CPNE4: variants seen among roughly 807,000 people sequenced by gnomAD.
CPNE4 encodes the protein copine-4.
In CPNE4, 25 loss-of-function variants were observed where a neutral mutation model predicts 67.9. The observed-to-expected ratio is 0.37, with a 90% CI of 0.27 to 0.51. The LOEUF is 0.51. Ranked by LOEUF, CPNE4 falls within the 20% of genes least tolerant of loss-of-function variation. The pLI is 0.93. For synonymous variants in CPNE4, 242 were observed against 244.9 expected (o/e 0.99, Z 0.11); for missense variants, 464 against 690.8 (o/e 0.67, Z 3.68).
At chr3:132,004,175 CAA>C (rs71622082) in intron 1 of CPNE4, among the ~76,000 whole-genome samples, 1 of 149,798 alleles carries the variant, frequency 6.7e-6, no homozygotes, top group Admixed American at 6.6e-5. Context: ...GTGAAAATTA[CAA>C]AAAAAAATAG....
intron 6 of CPNE4, among the ~76,000 whole-genome samples, chr3:131,685,194 C>T (rs1482595199): frequency 1.3e-5 from 2 of 151,962 alleles, no homozygotes. Flanking sequence ...TCATCATCAT[C>T]ATCATGTGTG....
At chr3:131,801,864 A>AAAAGAACT (rs2084142625) in intron 2 of CPNE4, among the ~76,000 whole-genome samples, 1 of 133,966 alleles carries the variant, frequency 7.5e-6, no homozygotes, top group Non-Finnish European at 1.6e-5. Context: ...CTAGGATTTG[A>AAAAGAACT]AAAGAACTAA....
intron 7 of CPNE4, among the ~76,000 whole-genome samples, chr3:131,661,828 G>T (rs77548358): frequency 0.018 from 2,688 of 152,186 alleles, 48 homozygotes; most frequent in African/African-American, 0.047. Flanking sequence ...GCCTAGAAAT[G>T]CCAGGTTCTT....
chr3:131,990,099 C>T (rs1277300241), intron 1 of CPNE4, among the ~76,000 whole-genome samples: 1 of 136,620 alleles, frequency 7.3e-6, no homozygotes, highest in African/African-American at 2.5e-5. Flanking sequence ...CTTTGTAAAA[C>T]AGAAGAGACA....
chr3:131,537,667 C>A, intron 15 of CPNE4: 1 of 257,110 alleles, frequency 3.9e-6, no homozygotes, highest in South Asian at 4.1e-5. Flanking sequence ...GGGACTTCAG[C>A]CAACATGCTC....
At chr3:131,891,065 A>C (rs547773622) in intron 2 of CPNE4, among the ~76,000 whole-genome samples, 1 of 152,238 alleles carries the variant, frequency 6.6e-6, no homozygotes, top group East Asian at 1.9e-4. Flanking sequence ...ATATTTATTA[A>C]GAGGACAGAT....
chr3:131,735,419 G>A (rs2082212709), intron 2 of CPNE4, among the ~76,000 whole-genome samples: 1 of 152,204 alleles, frequency 6.6e-6, no homozygotes, highest in African/African-American at 2.4e-5. Flanking sequence ...GGCAGCTCCA[G>A]AAAGTAAACT....
chr3:132,012,089 T>C (rs2073778576), intron 1 of CPNE4, among the ~76,000 whole-genome samples: 1 of 152,100 alleles, frequency 6.6e-6, no homozygotes, highest in Non-Finnish European at 1.5e-5. Flanking sequence ...ATTTTGCCAT[T>C]GTAGCACAAA....
intron 6 of CPNE4, among the ~76,000 whole-genome samples, chr3:131,684,648 C>A (rs1304806076): frequency 6.6e-6 from 1 of 152,168 alleles, no homozygotes; most frequent in Non-Finnish European, 1.5e-5. Flanking sequence ...AGCAACCACA[C>A]CACCACCTTA....
intron 12 of CPNE4, among the ~76,000 whole-genome samples, chr3:131,553,199 AT>A (rs1330103836): frequency 5.3e-5 from 8 of 152,218 alleles, no homozygotes; most frequent in African/African-American, 1.7e-4. Context: ...TTATTGAATC[AT>A]TTGGTATTTT....
rs531209086 is a variant in CPNE4 at position 131,765,045 on chromosome 3, T to C, written c.181-41420A>G. ...ATGCCTTGTGTTGTCACTGGTATTA[T>C]CTTCCCTTCAAGGAGACTTGGTTCA... On this transcript the variant is annotated intron_variant, in intron 2 of 15. Coordinates refer to ENST00000429747, the MANE Select transcript of CPNE4 (RefSeq NM_130808.3). Among the ~76,000 whole-genome samples, 4 of 152,244 alleles carry C rather than the reference T, an allele frequency of 2.6e-5. No homozygotes were observed. In the South Asian group the frequency reaches 8.3e-4, roughly 32 times the overall value.
In CPNE4 at chr3:131,535,676, A is replaced by G. The variant is rs185110203; in HGVS notation, c.1540-347T>C. 4.6e-5 allele frequency among the ~76,000 whole-genome samples: 7 copies of G among 152,288 alleles called. No homozygotes were observed. The South Asian group carries it at 1.0e-3, about 23-fold the overall frequency. On this transcript the variant is annotated intron_variant, in intron 15 of 15. Transcript: ENST00000429747. Reference sequence around the variant, plus strand: ...GTGCCACACTAGGGTTTGAGGGTCTATGGTTCTTGCCTCAGGAAGGCTGTA... The same window carrying G: ...GTGCCACACTAGGGTTTGAGGGTCTGTGGTTCTTGCCTCAGGAAGGCTGTA...
Position 131,856,881 on chromosome 3 carries a change from T to C in CPNE4, c.180+48383A>G, listed in dbSNP as rs1317599252. On this transcript the variant is annotated intron_variant, in intron 2 of 15. Transcript: ENST00000429747. ...TACCCAATGTCACAGAGCTAATAAATAGCAAAGCTGGCATTTGACAACCAT... is the reference window on the plus strand; with the variant it reads ...TACCCAATGTCACAGAGCTAATAAACAGCAAAGCTGGCATTTGACAACCAT... Among the ~76,000 whole-genome samples the C allele has an allele frequency of 2.0e-5, 3 of 151,998 alleles. No individual in the cohort carries two copies. The East Asian group carries it at 5.8e-4, about 29-fold the overall frequency.
At chr3:131,699,295 T>C (rs572952569) in intron 4 of CPNE4, among the ~76,000 whole-genome samples, 14 of 152,226 alleles carry the variant, frequency 9.2e-5, no homozygotes, top group Admixed American at 2.0e-4. Context: ...CTTGTAACTA[T>C]TGAGCACTGG....
intron 2 of CPNE4, among the ~76,000 whole-genome samples, chr3:131,829,280 T>C (rs927098719): frequency 6.6e-6 from 1 of 152,236 alleles, no homozygotes; most frequent in African/African-American, 2.4e-5. Context: ...CTTCAAATAC[T>C]TTTGCTGAAG....
intron 1 of CPNE4, among the ~76,000 whole-genome samples, chr3:132,010,849 C>T (rs1336790056): frequency 6.6e-6 from 1 of 152,126 alleles, no homozygotes; most frequent in African/African-American, 2.4e-5. Flanking sequence ...CTTAGGGGAA[C>T]TCAAGAGCTC....
At chr3:131,701,387 C>T (rs1472570920) in intron 3 of CPNE4, among the ~76,000 whole-genome samples, 1 of 152,162 alleles carries the variant, frequency 6.6e-6, no homozygotes, top group East Asian at 1.9e-4. Flanking sequence ...ATATTCTCCC[C>T]TCAAGTGTGG....
intron 10 of CPNE4, 148 bp downstream of exon 10, chr3:131,574,923 C>T (rs1937512823): frequency 4.8e-6 from 3 of 625,556 alleles, no homozygotes; most frequent in South Asian, 2.0e-5. Flanking sequence ...TTCAAAAACA[C>T]GATACCATAC....
intron 2 of CPNE4, among the ~76,000 whole-genome samples, chr3:131,777,813 T>A (rs1414027226): frequency 1.3e-5 from 2 of 152,086 alleles, no homozygotes; most frequent in Non-Finnish European, 2.9e-5. Flanking sequence ...CAGCACCTAT[T>A]CTTGGATGTG....
Sources: gnomAD v4.1 joint callset for allele counts (sites outside exome capture counted in the v4.1 genomes callset) on GRCh38, gnomAD v4.1.1 for gene constraint, MANE v1.5 for transcripts, NCBI Gene and HGNC (gene_info 2026-07-23, HGNC 2026-07-21) for gene names.